Variants in RNF145 observed in about 807,000 individuals in gnomAD.
RNF145 encodes the protein ring finger protein 145.
In RNF145, 12 loss-of-function variants were observed where a neutral mutation model predicts 57.3. That is an observed-to-expected ratio of 0.21 (90% confidence interval 0.13 to 0.34). RNF145 has a LOEUF of 0.34. Ranked by LOEUF, RNF145 falls within the 10% of genes least tolerant of loss-of-function variation. The probability of loss-of-function intolerance (pLI) is 1.00; values close to 1 mark genes in which losing one functional copy is unlikely to be tolerated. For synonymous variants in RNF145, 262 were observed against 288.3 expected, an observed-to-expected ratio of 0.91 and a Z score of 0.92; for missense variants, 429 against 799.0, an observed-to-expected ratio of 0.54 and a Z score of 5.58.
intron 3 of RNF145, among the ~76,000 whole-genome samples, chr5:159,192,598 G>A (rs1190920441): frequency 1.3e-5 from 2 of 152,164 alleles, no homozygotes; most frequent in African/African-American, 4.8e-5. Flanking sequence ...ACATTGCTAT[G>A]TGATAAAAAC....
chr5:159,208,079 T>C, intron 1 of RNF145: 3 of 1,480,682 alleles, frequency 2.0e-6, no homozygotes, highest in Non-Finnish European at 1.8e-6. Context: ...CCACTAATCT[T>C]TGATGCCTGC....
rs1785075699 is a variant in RNF145, at chr5:159,186,846, T to TAA, written c.294-4797_294-4796dup. Among the ~76,000 whole-genome samples, 3 of 152,256 alleles carry TAA rather than the reference T, an allele frequency of 2.0e-5. No homozygotes were observed. In the South Asian group the frequency reaches 6.2e-4, roughly 32 times the overall value. On this transcript the variant is annotated intron_variant, in intron 3 of 10. Transcript: ENST00000424310. ...AAAATTAAGTTTAGAATATAAATGG[T>TAA]AATACTCATTTTAACAATCCAAGCT...
At position 159,209,540 on chromosome 5, in the gene RNF145, C is replaced by T. The variant is rs2113268987; in HGVS notation, c.-349G>A. The stretch of plus-strand genomic sequence containing the variant: ...GGCCTCCTGCGTTTGCTCCTCCCGC[C>T]CCCGGCGCTCTGCGGCGGCCGCGGC... On this transcript the variant is annotated 5_prime_UTR_variant, in exon 1 of 11. Transcript: ENST00000424310. 3 of 923,142 alleles carry T rather than the reference C, an allele frequency of 3.2e-6. No individual in the cohort carries two copies. Among genetic ancestry groups the T allele is most frequent in the Non-Finnish European group, 3.9e-6 (3 of 778,292 alleles). The allele number at this position is 923,142 out of a possible 1,614,324, so 57.2% of individuals were successfully genotyped here.
chr5:159,180,135 ACTT>A (rs2113151012), intron 4 of RNF145, among the ~76,000 whole-genome samples: 1 of 152,108 alleles, frequency 6.6e-6, no homozygotes, highest in South Asian at 2.1e-4. Flanking sequence ...GCAGGTTCCT[ACTT>A]AACTGGACTC....
chr5:159,201,078 C>G (rs115660338), intron 2 of RNF145, among the ~76,000 whole-genome samples: 2 of 152,072 alleles, frequency 1.3e-5, no homozygotes, highest in Non-Finnish European at 2.9e-5. Context: ...TATAAGTTAA[C>G]CCTTGAACAA....
At chr5:159,167,422 A>G (rs1341600298) in intron 8 of RNF145, among the ~76,000 whole-genome samples, 2 of 152,350 alleles carry the variant, frequency 1.3e-5, no homozygotes, top group Admixed American at 1.3e-4. Context: ...GAAAGCCAGT[A>G]GTGAGGATAG....
chr5:159,209,491 G>GT lies in RNF145; in HGVS notation c.-301_-300insA, dbSNP rs1786028302. Reference sequence around the variant, plus strand: ...CGCTCGCGGGCCGAGCCCCTTAGCAGCCGGCGCCGGCGTCGGCGGCCATGG... The same window carrying GT: ...CGCTCGCGGGCCGAGCCCCTTAGCAGTCCGGCGCCGGCGTCGGCGGCCATGG... On this transcript the variant is annotated 5_prime_UTR_variant, in exon 1 of 11. An upstream open reading frame in the 5' UTR loses its in-frame stop. Transcript: ENST00000424310. 5 of 924,186 alleles carry GT rather than the reference G, an allele frequency of 5.4e-6. No individual in the cohort carries two copies. The highest frequency in any genetic ancestry group is 9.9e-5 in the Admixed American group (1 of 10,072). 57.2% of individuals were successfully genotyped at this position (924,186 alleles called of 1,614,324 possible).
At chr5:159,209,656 G>A (rs1366603427), upstream of RNF145, 25 of 977,120 alleles carry the variant, frequency 2.6e-5, no homozygotes, top group Admixed American at 4.2e-5. Flanking sequence ...TCGCGCCCGC[G>A]GAGTGCTTTC....
At chr5:159,186,471 C>T (rs561946770) in intron 3 of RNF145, among the ~76,000 whole-genome samples, 15 of 152,274 alleles carry the variant, frequency 9.9e-5, no homozygotes, top group East Asian at 9.7e-4. Flanking sequence ...TTTCAAACAA[C>T]GTTAATTCCA....
At chr5:159,161,976 T>C (rs1209718257) in intron 9 of RNF145, among the ~76,000 whole-genome samples, 1 of 152,202 alleles carries the variant, frequency 6.6e-6, no homozygotes, top group African/African-American at 2.4e-5. Context: ...ATTTTCCTCA[T>C]ACCATAGTCA....
intron 2 of RNF145, among the ~76,000 whole-genome samples, chr5:159,198,982 A>G (rs1033183186): frequency 8.5e-5 from 13 of 152,184 alleles, no homozygotes; most frequent in African/African-American, 3.1e-4. Context: ...TCACGTACAT[A>G]CATACATATA....
intron 1 of RNF145, among the ~76,000 whole-genome samples, chr5:159,206,006 T>A (rs1785867496): frequency 6.6e-6 from 1 of 152,172 alleles, no homozygotes; most frequent in South Asian, 2.1e-4. Flanking sequence ...GGATCATCTC[T>A]ATTACAAAAG....
intron 5 of RNF145, among the ~76,000 whole-genome samples, chr5:159,175,068 TTTAAGTA>T (rs1416692878): frequency 2.0e-5 from 3 of 152,188 alleles, no homozygotes; most frequent in African/African-American, 7.2e-5. Context: ...TATAAACATC[TTTAAGTA>T]TTAAGTTAAA....
chr5:159,177,248 T>C (rs902813730), intron 4 of RNF145, among the ~76,000 whole-genome samples: 5 of 152,218 alleles, frequency 3.3e-5, no homozygotes, highest in South Asian at 2.1e-4. Context: ...TTCTGGTCTA[T>C]AGGTGAAAGC....
intron 3 of RNF145, among the ~76,000 whole-genome samples, chr5:159,184,366 T>G (rs1427188229): frequency 6.6e-6 from 1 of 152,258 alleles, no homozygotes; most frequent in Non-Finnish European, 1.5e-5. Context: ...CATTCTCTGT[T>G]GCTTTTTAAC....
chr5:159,207,378 G>GA (rs1785929214), intron 1 of RNF145: 4 of 754,908 alleles, frequency 5.3e-6, no homozygotes, highest in East Asian at 2.9e-5. Context: ...AAAAGACAAA[G>GA]AAAAAACAAG....
At chr5:159,163,599 A>G (rs1466201311) in intron 8 of RNF145, among the ~76,000 whole-genome samples, 1 of 152,212 alleles carries the variant, frequency 6.6e-6, no homozygotes, top group Non-Finnish European at 1.5e-5. Context: ...GACATGACTG[A>G]GAGCAACTGT....
intron 3 of RNF145, among the ~76,000 whole-genome samples, chr5:159,191,065 C>T (rs796838369): frequency 8.0e-5 from 11 of 138,048 alleles, no homozygotes; most frequent in African/African-American, 2.4e-4. Context: ...ATAAAACACA[C>T]AATAGCTGAT....
intron 9 of RNF145, 90 bp from the exon 10 acceptor site, chr5:159,161,712 T>G: frequency 1.3e-6 from 1 of 760,794 alleles, no homozygotes; most frequent in Non-Finnish European, 2.2e-6. Flanking sequence ...ATTCCTGATG[T>G]TTTTAGGGTG....
Sources: allele counts gnomAD v4.1 joint callset (sites outside exome capture counted in the v4.1 genomes callset), GRCh38; gene constraint gnomAD v4.1.1; transcripts MANE v1.5; gene names NCBI Gene and HGNC (gene_info 2026-07-23, HGNC 2026-07-21).